LPIN2: variants seen among roughly 807,000 people sequenced by gnomAD.
LPIN2 encodes lipin 2, also known as phosphatidate phosphatase LPIN2.
In LPIN2, 55 loss-of-function variants were observed where a neutral mutation model predicts 111.4. The observed-to-expected ratio is 0.49, with a 90% CI of 0.40 to 0.62. The LOEUF is 0.62. LPIN2 is among the 20% of genes least tolerant of loss of function. LPIN2 has a pLI of 0.00. For missense variants in LPIN2, 992 were observed against 1,112.1 expected (o/e 0.89, Z 1.54); for synonymous variants, 425 against 414.0 (o/e 1.03, Z -0.32).
At chr18:3,007,330 T>C (rs1388684043) in intron 1 of LPIN2, among the ~76,000 whole-genome samples, 1 of 152,066 alleles carries the variant, frequency 6.6e-6, no homozygotes, top group African/African-American at 2.4e-5. Flanking sequence ...CCCCACCACG[T>C]CTGGCTAATT....
At chr18:2,987,986 C>A (rs1209777722) in intron 1 of LPIN2, among the ~76,000 whole-genome samples, 1 of 130,330 alleles carries the variant, frequency 7.7e-6, no homozygotes, top group Non-Finnish European at 1.5e-5. Context: ...GTTCTCCAGC[C>A]TGGGCGACAG....
chr18:3,009,592 C>A (rs1479676282), intron 1 of LPIN2, among the ~76,000 whole-genome samples: 4 of 151,758 alleles, frequency 2.6e-5, no homozygotes. Flanking sequence ...GCATGCATAA[C>A]CACACCTGGC....
At chr18:2,929,667 AGGCCGATGTG>A (rs1203201839) in intron 9 of LPIN2, among the ~76,000 whole-genome samples, 7 of 152,222 alleles carry the variant, frequency 4.6e-5, no homozygotes, top group African/African-American at 1.7e-4. Flanking sequence ...ACACTCTGGG[AGGCCGATGTG>A]GGCCGATCAC....
rs1011996287 is a variant in LPIN2, at chr18:2,985,943, A to G, written c.-9-25094T>C. Among the ~76,000 whole-genome samples the G allele has an allele frequency of 4.6e-5, 7 of 152,360 alleles. No homozygotes were observed. In the East Asian group the frequency reaches 9.6e-4, roughly 21 times the overall value. ...TATAACCTCAATTACAAAGAATTTC[A>G]TAATACCCACCGGAATTCCTCTATA... On this transcript the variant is annotated intron_variant, in intron 1 of 19. Coordinates refer to ENST00000677752, the MANE Select transcript of LPIN2 (RefSeq NM_001375808.2).
rs943316812 is a variant in LPIN2 at position 2,920,206 on chromosome 18, T to C, written c.*87A>G. 4 of 1,564,928 alleles carry C rather than the reference T, an allele frequency of 2.6e-6. No homozygotes were observed. The highest frequency in any genetic ancestry group is 3.5e-6 in the Non-Finnish European group (4 of 1,138,562). On this transcript the variant is annotated 3_prime_UTR_variant, in exon 20 of 20. Coordinates refer to ENST00000677752, the MANE Select transcript of LPIN2 (RefSeq NM_001375808.2). ...AGCACCCGTCCCCGCTGGGGAAGGC[T>C]GGTATCTGAGGTCAGCAGAAGAGCC...
In LPIN2 at chr18:2,920,777, C is replaced by A; in HGVS notation, c.2546+1G>T. 1 of 1,612,310 alleles carries A rather than the reference C, an allele frequency of 6.2e-7. No individual in the cohort carries two copies. The highest frequency in any genetic ancestry group is 8.5e-7 in the Non-Finnish European group (1 of 1,178,344). ...GGGCTGAGAGCTGAGAATGTACTTA[C>A]GATGACTTGTTTCCTTTGGTTCTTT... is the stretch of plus-strand genomic sequence containing the variant. On this transcript the variant is annotated splice_donor_variant, in intron 19 of 19. Transcript: ENST00000677752. LOFTEE classifies it high-confidence loss of function.
At chr18:3,010,134 G>C (rs2078578452) in intron 1 of LPIN2, among the ~76,000 whole-genome samples, 1 of 152,198 alleles carries the variant, frequency 6.6e-6, no homozygotes, top group Non-Finnish European at 1.5e-5. Context: ...CCCAGGGTGA[G>C]CAACTCCCTC....
intron 1 of LPIN2, among the ~76,000 whole-genome samples, chr18:2,997,897 T>C (rs1348491528): frequency 6.6e-6 from 1 of 152,204 alleles, no homozygotes; most frequent in Non-Finnish European, 1.5e-5. Flanking sequence ...ATGAATTCAC[T>C]ACTTCCCTAC....
chr18:2,925,733 C>T lies in LPIN2; in HGVS notation c.1794-365G>A, dbSNP rs905602674. Among the ~76,000 whole-genome samples the T allele has an allele frequency of 5.9e-5, 9 of 152,184 alleles. No homozygotes were observed. The highest frequency in any genetic ancestry group is 2.2e-4 in the African/African-American group (9 of 41,440). ...TGATTTAACAAACTCCGGCTGGGTG[C>T]GGTGCCTCACACCTGTAATCCCAAC... On this transcript the variant is annotated intron_variant, in intron 13 of 19. Coordinates refer to ENST00000677752, the MANE Select transcript of LPIN2 (RefSeq NM_001375808.2). This position sits in a 1 kb window ranked among gnomAD's most constrained non-coding sequence, Gnocchi z 4.1.
chr18:2,930,097 G>C (rs991024708), intron 9 of LPIN2, among the ~76,000 whole-genome samples: 5 of 152,154 alleles, frequency 3.3e-5, no homozygotes, highest in African/African-American at 7.2e-5. Flanking sequence ...TATTCTCCTA[G>C]ATCTAGGCTA....
At chr18:2,966,678 G>A (rs112612690) in intron 1 of LPIN2, among the ~76,000 whole-genome samples, 143 of 152,166 alleles carry the variant, frequency 9.4e-4, no homozygotes, top group African/African-American at 3.1e-3. Context: ...TACTTAATGC[G>A]ACTTGACTAC....
intron 1 of LPIN2, among the ~76,000 whole-genome samples, chr18:2,993,914 G>C (rs1356200975): frequency 6.6e-6 from 1 of 152,160 alleles, no homozygotes; most frequent in African/African-American, 2.4e-5. Flanking sequence ...CTGAGGATCC[G>C]ATGGAACCCC....
chr18:2,964,255 C>T (rs1265107394), intron 1 of LPIN2, among the ~76,000 whole-genome samples: 1 of 130,346 alleles, frequency 7.7e-6, no homozygotes, highest in African/African-American at 2.9e-5. Context: ...TGCACTCAAG[C>T]CTGGGTGACA....
chr18:2,952,613 CACTT>C (rs1475732963), intron 3 of LPIN2, among the ~76,000 whole-genome samples: 4 of 152,166 alleles, frequency 2.6e-5, no homozygotes, highest in Non-Finnish European at 5.9e-5. Flanking sequence ...CAGAAACACA[CACTT>C]ACAGAGAAAT....
chr18:2,946,520 T>A, intron 4 of LPIN2: 3 of 1,564,046 alleles, frequency 1.9e-6, no homozygotes, highest in Non-Finnish European at 1.8e-6. Context: ...GCTCCGGTTG[T>A]AGCACAGCAA....
chr18:2,937,526 CAA>C (rs1184157419), intron 7 of LPIN2, among the ~76,000 whole-genome samples, 164 bp downstream of exon 7: 1 of 81,470 alleles, frequency 1.2e-5, no homozygotes, highest in East Asian at 4.1e-4. Context: ...GCCTGGGTAA[CAA>C]GAGCGAAACT....
chr18:2,944,231 T>TA (rs569764451), intron 4 of LPIN2, among the ~76,000 whole-genome samples: 4,158 of 139,132 alleles, frequency 0.03, 168 homozygotes, highest in African/African-American at 0.093. Context: ...TTCATGACTT[T>TA]AAAAAAAAAA....
At chr18:2,979,237 A>T (rs572479912) in intron 1 of LPIN2, 1 of 152,368 alleles carries the variant, frequency 6.6e-6, no homozygotes, top group African/African-American at 2.4e-5. Flanking sequence ...ACAGTGATGT[A>T]ACTAAGGTGT....
intron 1 of LPIN2, among the ~76,000 whole-genome samples, chr18:2,975,655 T>C (rs2078000509): frequency 1.3e-5 from 2 of 152,198 alleles, no homozygotes; most frequent in South Asian, 4.1e-4. Context: ...CAGATACGAT[T>C]ACGTTATGAA....
Sources: allele counts gnomAD v4.1 joint callset (sites outside exome capture counted in the v4.1 genomes callset), GRCh38; gene constraint gnomAD v4.1.1; non-coding constraint Gnocchi (gnomAD v3.1); transcripts MANE v1.5; gene names NCBI Gene and HGNC (gene_info 2026-07-23, HGNC 2026-07-21).